SERPINB5: variants seen among roughly 807,000 people sequenced by gnomAD.
SERPINB5 encodes serpin family B member 5, also known as serpin B5.
In SERPINB5, 27 loss-of-function variants were observed where a neutral mutation model predicts 32.2. The ratio of observed to expected loss-of-function variants is 0.84; its 90% confidence interval spans 0.62 to 1.16. SERPINB5 has a LOEUF of 1.16. Ranked by LOEUF, SERPINB5 falls within the 50% of genes most tolerant of loss-of-function variation. The pLI is 0.00. For missense variants in SERPINB5, 388 were observed against 436.3 expected (o/e 0.89, Z 0.99); for synonymous variants, 154 against 157.4 (o/e 0.98, Z 0.16).
intron 5 of SERPINB5, among the ~76,000 whole-genome samples, chr18:63,497,969 A>T (rs1454700324): frequency 6.6e-6 from 1 of 152,244 alleles, no homozygotes; most frequent in Non-Finnish European, 1.5e-5. Context: ...TTTGTTAATT[A>T]GCTCAGATCT....
chr18:63,494,574 A>C (rs1470626954), intron 5 of SERPINB5, among the ~76,000 whole-genome samples: 1 of 152,170 alleles, frequency 6.6e-6, no homozygotes, highest in African/African-American at 2.4e-5. Context: ...TGCTTCTCCC[A>C]GTAGTTAGAG....
intron 4 of SERPINB5, 66 bp from the exon 5 acceptor site, chr18:63,492,887 A>T: frequency 6.4e-7 from 1 of 1,554,974 alleles, no homozygotes; most frequent in South Asian, 1.2e-5. Context: ...GTGAATATGC[A>T]TGTGAATTTC....
At chr18:63,499,365 C>G in intron 6 of SERPINB5, 78 bp downstream of exon 6, 4 of 1,301,972 alleles carry the variant, frequency 3.1e-6, no homozygotes, top group Non-Finnish European at 4.1e-6. Context: ...CTGTGTGGGC[C>G]GTGAGAGCTG....
At chr18:63,501,172 T>C (rs1909563929) in intron 6 of SERPINB5, among the ~76,000 whole-genome samples, 1 of 151,658 alleles carries the variant, frequency 6.6e-6, no homozygotes, top group South Asian at 2.1e-4. Context: ...TAGGTATATC[T>C]CCCAATGCTA....
At chr18:63,490,355 G>A (rs947101222) in intron 4 of SERPINB5, among the ~76,000 whole-genome samples, 2 of 151,986 alleles carry the variant, frequency 1.3e-5, no homozygotes, top group African/African-American at 4.8e-5. Flanking sequence ...CGGACTCCTC[G>A]TCCCTCCCTT....
At chr18:63,496,357 G>A (rs908698628) in intron 5 of SERPINB5, among the ~76,000 whole-genome samples, 5 of 152,184 alleles carry the variant, frequency 3.3e-5, no homozygotes, top group Admixed American at 6.5e-5. Flanking sequence ...CTCCAAAGTA[G>A]TATGTTTTCC....
At chr18:63,481,907 G>A (rs533329746) in intron 1 of SERPINB5, among the ~76,000 whole-genome samples, 28 of 152,298 alleles carry the variant, frequency 1.8e-4, no homozygotes, top group African/African-American at 6.0e-4. Flanking sequence ...AAGGAGTAAG[G>A]TTGTGGGCTT....
At position 63,499,158 on chromosome 18, in the gene SERPINB5, C is replaced by A; in HGVS notation, c.606C>A (p.Ala202=). ...TKPVQMMNME[A]TFCMGNIDSI... is the part of the protein sequence containing the mutation. Reference sequence around the variant, plus strand: ...CAGTGCAGATGATGAACATGGAGGCCACGTTCTGTATGGGAAACATTGACA... The same window carrying A: ...CAGTGCAGATGATGAACATGGAGGCAACGTTCTGTATGGGAAACATTGACA... Residue 202 remains alanine (A), a synonymous_variant, in exon 6 of 7, where the codon GCC becomes GCA. Transcript: ENST00000382771. The A allele has an allele frequency of 6.3e-7, 1 of 1,585,964 alleles. No homozygotes were observed. Among genetic ancestry groups the A allele is most frequent in the Non-Finnish European group, 8.6e-7 (1 of 1,165,240 alleles).
chr18:63,501,232 C>T (rs370689757), intron 6 of SERPINB5, among the ~76,000 whole-genome samples: 1 of 140,408 alleles, frequency 7.1e-6, no homozygotes, highest in Non-Finnish European at 1.5e-5. Flanking sequence ...TGTGGTGTTC[C>T]CCTTCCTGTT....
At position 63,505,082 on chromosome 18, in the gene SERPINB5, T is replaced by C. The variant is rs1909649592; in HGVS notation, c.*1360T>C. The C allele has an allele frequency of 8.2e-6, 1 of 122,480 alleles. No homozygotes were observed. 7.6% of individuals were successfully genotyped at this position (122,480 alleles called of 1,614,324 possible). On this transcript the variant is annotated 3_prime_UTR_variant, in exon 7 of 7. Coordinates refer to ENST00000382771, the MANE Select transcript of SERPINB5 (RefSeq NM_002639.5). Reference sequence around the variant, plus strand: ...TATTGACAATAAAATATTATTGAACTACATGTCTTGTTTTTTTTTTCCTAT... The same window carrying C: ...TATTGACAATAAAATATTATTGAACCACATGTCTTGTTTTTTTTTTCCTAT...
Position 63,482,808 on chromosome 18 carries a change from C to G in SERPINB5, c.-7-1614C>G, listed in dbSNP as rs574050636. On this transcript the variant is annotated intron_variant, in intron 1 of 6. Coordinates refer to ENST00000382771, the MANE Select transcript of SERPINB5 (RefSeq NM_002639.5). The stretch of plus-strand genomic sequence containing the variant: ...AAAACCAGACACATTTTGAAATGTT[C>G]ATTTACTAATTTATTAAAATAATAT... Among the ~76,000 whole-genome samples, 18 of 150,948 alleles carry G rather than the reference C, an allele frequency of 1.2e-4. No individual in the cohort carries two copies. The South Asian group carries it at 3.7e-3, about 31-fold the overall frequency.
At chr18:63,493,990 C>T (rs920406468) in intron 5 of SERPINB5, among the ~76,000 whole-genome samples, 2 of 152,122 alleles carry the variant, frequency 1.3e-5, no homozygotes, top group African/African-American at 4.8e-5. Flanking sequence ...GCCTGTTTTG[C>T]AGGCCAGTCT....
chr18:63,481,751 A>G (rs1917130428), intron 1 of SERPINB5, among the ~76,000 whole-genome samples: 2 of 152,348 alleles, frequency 1.3e-5, no homozygotes, highest in South Asian at 4.1e-4. Flanking sequence ...ATGTTTTCCC[A>G]GTGGCAGGCA....
intron 5 of SERPINB5, chr18:63,493,407 A>G: frequency 1.8e-6 from 1 of 552,032 alleles, no homozygotes; most frequent in East Asian, 2.8e-5. Flanking sequence ...TTAGCAGAAA[A>G]GGAAAAGACC....
At chr18:63,487,838 C>T (rs114956390) in intron 3 of SERPINB5, among the ~76,000 whole-genome samples, 1,854 of 152,194 alleles carry the variant, frequency 0.012, 33 homozygotes, top group African/African-American at 0.042. Flanking sequence ...GTTTCCAAAT[C>T]GAAAAGCTAG....
At position 63,499,196 on chromosome 18, in the gene SERPINB5, A is replaced by G. The variant is rs1421193639; in HGVS notation, c.644A>G (p.Lys215Arg). The G allele has an allele frequency of 2.5e-6, 4 of 1,602,430 alleles. No homozygotes were observed. In the South Asian group the frequency reaches 4.5e-5, roughly 18 times the overall value. Residue 215 changes from lysine (K) to arginine (R), a missense_variant, in exon 6 of 7, where the codon AAG (lysine) becomes AGG (arginine). Transcript: ENST00000382771. ...CMGNIDSINC[K>R]IIELPFQNKH... ...GGAAACATTGACAGTATCAATTGTA[A>G]GATCATAGAGCTTCCTTTTCAAAAT...
chr18:63,487,103 T>C lies in SERPINB5; in HGVS notation c.306+20T>C, dbSNP rs779406683. Reference sequence around the variant, plus strand: ...TCTACAGTAAGTTGTTTAAAGCAAGTAGCAAGACTTAACTTTTTACAAGGA... The same window carrying C: ...TCTACAGTAAGTTGTTTAAAGCAAGCAGCAAGACTTAACTTTTTACAAGGA... On this transcript the variant is annotated intron_variant, in intron 3 of 6. Coordinates refer to ENST00000382771, the MANE Select transcript of SERPINB5 (RefSeq NM_002639.5). The C allele has an allele frequency of 1.2e-6, 2 of 1,608,956 alleles. No homozygotes were observed. The highest frequency in any genetic ancestry group is 2.2e-5 in the South Asian group (2 of 90,548).
chr18:63,477,435 A>G (rs1185737603), intron 1 of SERPINB5: 2 of 152,178 alleles, frequency 1.3e-5, no homozygotes, highest in Admixed American at 6.5e-5. Flanking sequence ...CTAGTTTCAG[A>G]AAGGGTGTGG....
chr18:63,481,879 C>A (rs1292009779), intron 1 of SERPINB5, among the ~76,000 whole-genome samples: 1 of 152,142 alleles, frequency 6.6e-6, no homozygotes, highest in Non-Finnish European at 1.5e-5. Flanking sequence ...TAGGCCCTTG[C>A]CCCTGCCCTG....
Sources: gnomAD v4.1 joint callset for allele counts (sites outside exome capture counted in the v4.1 genomes callset) on GRCh38, gnomAD v4.1.1 for gene constraint, MANE v1.5 for transcripts, NCBI Gene and HGNC (gene_info 2026-07-23, HGNC 2026-07-21) for gene names.